The following FSTL5 variants were observed in gnomAD, a reference collection of about 807,000 sequenced individuals.
The protein encoded by FSTL5 is follistatin like 5.
A neutral mutation model predicts 89.1 loss-of-function variants in FSTL5; 62 were observed. The ratio of observed to expected loss-of-function variants is 0.70; its 90% CI spans 0.57 to 0.86. The LOEUF is 0.86. Among genes scored for constraint, FSTL5 ranks in the 40% least tolerant of loss-of-function variants. The pLI is 0.00. For missense variants in FSTL5, 1,057 were observed against 1,001.6 expected (o/e 1.06, Z -0.75); for synonymous variants, 383 against 346.2 (o/e 1.11, Z -1.18).
intron 3 of FSTL5, among the ~76,000 whole-genome samples, chr4:161,982,591 A>G (rs1311759465): frequency 1.3e-5 from 2 of 152,342 alleles, no homozygotes; most frequent in East Asian, 3.9e-4. Context: ...AAAACAAGAA[A>G]TGATCTAATA....
At chr4:161,416,380 C>T (rs1019187920) in intron 15 of FSTL5, among the ~76,000 whole-genome samples, 1 of 151,982 alleles carries the variant, frequency 6.6e-6, no homozygotes, top group Non-Finnish European at 1.5e-5. Context: ...CAAGCTTTTT[C>T]TGTTTGTTGT....
chr4:161,628,077 A>T (rs921107515), intron 7 of FSTL5, among the ~76,000 whole-genome samples: 18 of 152,140 alleles, frequency 1.2e-4, no homozygotes, highest in African/African-American at 4.3e-4. Context: ...TTTTGGTTAA[A>T]TAAGTCCCCG....
At chr4:161,876,446 T>C (rs1732445712) in intron 4 of FSTL5, among the ~76,000 whole-genome samples, 1 of 152,228 alleles carries the variant, frequency 6.6e-6, no homozygotes, top group South Asian at 2.1e-4. Flanking sequence ...GTTGGGCCAA[T>C]GGCACTTTTG....
At chr4:161,414,519 TA>T (rs1232173562) in intron 15 of FSTL5, among the ~76,000 whole-genome samples, 1 of 152,216 alleles carries the variant, frequency 6.6e-6, no homozygotes, top group Non-Finnish European at 1.5e-5. Flanking sequence ...ATCTTTGGTG[TA>T]ATTTTAGTAT....
At chr4:161,692,341 C>CGT (rs70937677) in intron 6 of FSTL5, among the ~76,000 whole-genome samples, 67,541 of 148,038 alleles carry the variant, frequency 0.46, 15,756 homozygotes, top group Middle Eastern at 0.55. Context: ...ATATGGAGAT[C>CGT]GTGTGTGTGT....
intron 4 of FSTL5, among the ~76,000 whole-genome samples, chr4:161,824,793 A>G (rs72979179): frequency 0.09 from 13,665 of 152,154 alleles, 763 homozygotes; most frequent in African/African-American, 0.16. Flanking sequence ...ATTTTGTATC[A>G]TAAAACTTCA....
intron 4 of FSTL5, among the ~76,000 whole-genome samples, chr4:161,880,127 G>A (rs1337776321): frequency 6.6e-6 from 1 of 152,040 alleles, no homozygotes; most frequent in Non-Finnish European, 1.5e-5. Flanking sequence ...TTGGCTAGGT[G>A]TGGGGGAGAA....
chr4:161,613,650 G>T (rs1178475648), intron 7 of FSTL5, among the ~76,000 whole-genome samples: 1 of 151,978 alleles, frequency 6.6e-6, no homozygotes, highest in African/African-American at 2.4e-5. Context: ...ACACTTGAGC[G>T]AACCCAAACA....
chr4:161,834,250 C>A (rs1042291109), intron 4 of FSTL5, among the ~76,000 whole-genome samples: 13 of 152,092 alleles, frequency 8.5e-5, no homozygotes, highest in African/African-American at 2.9e-4. Flanking sequence ...CAAAATTCAA[C>A]AACCTTCATG....
intron 8 of FSTL5, among the ~76,000 whole-genome samples, chr4:161,568,513 C>T (rs1252877814): frequency 6.6e-6 from 1 of 152,128 alleles, no homozygotes; most frequent in East Asian, 1.9e-4. Context: ...CTAAATATGG[C>T]ATAATTTAAT....
chr4:161,859,682 C>G (rs1489363912), intron 4 of FSTL5, among the ~76,000 whole-genome samples: 1 of 152,136 alleles, frequency 6.6e-6, no homozygotes, highest in Non-Finnish European at 1.5e-5. Flanking sequence ...TTCCTTATCA[C>G]CATACATTCC....
chr4:161,843,889 A>C (rs2126874155), intron 4 of FSTL5, among the ~76,000 whole-genome samples: 1 of 152,278 alleles, frequency 6.6e-6, no homozygotes, highest in African/African-American at 2.4e-5. Flanking sequence ...GCACTGGCAA[A>C]GACTTCATGA....
intron 4 of FSTL5, among the ~76,000 whole-genome samples, chr4:161,832,763 T>C (rs1272593699): frequency 6.6e-6 from 1 of 151,902 alleles, no homozygotes; most frequent in African/African-American, 2.4e-5. Context: ...TATTTGATTC[T>C]TCTCTCTTTT....
At chr4:161,711,009 G>A (rs1024529385) in intron 6 of FSTL5, among the ~76,000 whole-genome samples, 28 of 152,030 alleles carry the variant, frequency 1.8e-4, no homozygotes, top group Admixed American at 6.6e-5. Flanking sequence ...ACAAAAATAC[G>A]GCATATCAAA....
chr4:161,683,033 C>A (rs141921609), intron 6 of FSTL5, among the ~76,000 whole-genome samples: 1,750 of 152,226 alleles, frequency 0.011, 27 homozygotes, highest in African/African-American at 0.04. Context: ...GCGTGAGCCA[C>A]CGTGCCCGGC....
chr4:161,955,679 TAAA>T (rs138050258), intron 3 of FSTL5, among the ~76,000 whole-genome samples: 1 of 151,828 alleles, frequency 6.6e-6, no homozygotes, highest in African/African-American at 2.4e-5. Flanking sequence ...GCAGCCTAGT[TAAA>T]AAGTATTGTC....
intron 3 of FSTL5, among the ~76,000 whole-genome samples, chr4:161,992,995 T>A (rs1736182527): frequency 6.8e-6 from 1 of 146,022 alleles, no homozygotes; most frequent in African/African-American, 2.5e-5. Context: ...AGTAGTGACA[T>A]GTTTCAATAG....
At chr4:161,677,568 A>G (rs1453265873) in intron 6 of FSTL5, among the ~76,000 whole-genome samples, 3 of 151,934 alleles carry the variant, frequency 2.0e-5, no homozygotes, top group Non-Finnish European at 4.4e-5. Flanking sequence ...CACAGCACAA[A>G]AAAATATTAG....
intron 8 of FSTL5, among the ~76,000 whole-genome samples, chr4:161,560,316 T>G (rs1358914097): frequency 6.6e-6 from 1 of 151,940 alleles, no homozygotes; most frequent in Admixed American, 6.6e-5. Context: ...TCAGTGAGTA[T>G]GTGGTGAGTG....
Sources: allele counts gnomAD v4.1 joint callset (sites outside exome capture counted in the v4.1 genomes callset), GRCh38; gene constraint gnomAD v4.1.1; transcripts MANE v1.5; gene names NCBI Gene and HGNC (gene_info 2026-07-23, HGNC 2026-07-21).